Variants in NKAIN3 observed in about 807,000 individuals in gnomAD.
NKAIN3 encodes sodium/potassium transporting ATPase interacting 3.
NKAIN3 carries 25 observed loss-of-function variants against 30.2 expected under a neutral mutation model. The observed-to-expected ratio is 0.83, with a 90% confidence interval of 0.60 to 1.16. The LOEUF is 1.16. Among genes scored for constraint, NKAIN3 ranks in the 50% most tolerant of loss-of-function variants. The pLI is 0.00. For missense variants in NKAIN3, 225 were observed against 254.1 expected (o/e 0.89, Z 0.78); for synonymous variants, 91 against 89.6 (o/e 1.02, Z -0.09).
intron 3 of NKAIN3, among the ~76,000 whole-genome samples, chr8:62,618,843 T>A (rs911622263): frequency 1.3e-5 from 2 of 151,642 alleles, no homozygotes; most frequent in African/African-American, 4.8e-5. Context: ...GAGGCAGAGG[T>A]TGCAGTGAGC....
chr8:62,266,314 A>G (rs1216769683), intron 1 of NKAIN3, among the ~76,000 whole-genome samples: 1 of 152,232 alleles, frequency 6.6e-6, no homozygotes, highest in East Asian at 1.9e-4. Context: ...CCACTACTTT[A>G]GAGTGTGACA....
chr8:62,555,228 A>C (rs925392986), intron 1 of NKAIN3, among the ~76,000 whole-genome samples: 2 of 152,196 alleles, frequency 1.3e-5, no homozygotes, highest in African/African-American at 2.4e-5. Context: ...TTCAGAATAC[A>C]TAAAGAACCA....
rs370902214 is a variant in NKAIN3 at position 62,307,139 on chromosome 8, A to C, written c.54+58012A>C. On this transcript the variant is annotated intron_variant, in intron 1 of 6. Coordinates refer to ENST00000623646, the MANE Select transcript of NKAIN3 (RefSeq NM_001304533.3). Reference sequence around the variant, plus strand: ...TCCTGCACCCCATGAGTCCTTGGGTAGCTAAGCAGCTGGTATCTCCTGGTG... The same window carrying C: ...TCCTGCACCCCATGAGTCCTTGGGTCGCTAAGCAGCTGGTATCTCCTGGTG... Among the ~76,000 whole-genome samples the C allele has an allele frequency of 6.7e-5, 10 of 149,960 alleles. 1 individual carries two copies. The highest frequency in any genetic ancestry group is 2.5e-4 in the African/African-American group (10 of 39,510).
At chr8:62,737,410 A>G (rs1183479411) in intron 3 of NKAIN3, among the ~76,000 whole-genome samples, 2 of 152,204 alleles carry the variant, frequency 1.3e-5, no homozygotes, top group African/African-American at 4.8e-5. Context: ...CTCTCCAGAA[A>G]GTCAATAAGC....
chr8:62,638,744 A>G (rs1309072022), intron 3 of NKAIN3, among the ~76,000 whole-genome samples: 1 of 152,028 alleles, frequency 6.6e-6, no homozygotes, highest in Non-Finnish European at 1.5e-5. Context: ...TGACCCCACA[A>G]CCATATATAT....
At chr8:62,927,351 G>GA (rs768507017) in intron 5 of NKAIN3, among the ~76,000 whole-genome samples, 1 of 152,118 alleles carries the variant, frequency 6.6e-6, no homozygotes, top group African/African-American at 2.4e-5. Context: ...TGGATTTCCA[G>GA]AAAATCGCAT....
chr8:62,346,080 A>G (rs1285209824), intron 1 of NKAIN3, among the ~76,000 whole-genome samples: 1 of 152,042 alleles, frequency 6.6e-6, no homozygotes, highest in Non-Finnish European at 1.5e-5. Context: ...GAGAGAGTGG[A>G]GAGGAAGGTG....
In NKAIN3 at chr8:62,803,971, G is replaced by A. The variant is rs527710454; in HGVS notation, c.471+56842G>A. On this transcript the variant is annotated intron_variant, in intron 4 of 6. Coordinates refer to ENST00000623646, the MANE Select transcript of NKAIN3 (RefSeq NM_001304533.3). Reference sequence around the variant, plus strand: ...CACAGAAATACAAACTACCATGAGAGAATACTACAAACACCTCTACACAAA... The same window carrying A: ...CACAGAAATACAAACTACCATGAGAAAATACTACAAACACCTCTACACAAA... Among the ~76,000 whole-genome samples the A allele has an allele frequency of 2.9e-4, 44 of 152,188 alleles. 1 individual carries two copies. The East Asian group carries it at 8.1e-3, about 28-fold the overall frequency.
At chr8:62,495,949 C>T (rs1807224436) in intron 1 of NKAIN3, among the ~76,000 whole-genome samples, 1 of 152,130 alleles carries the variant, frequency 6.6e-6, no homozygotes, top group Non-Finnish European at 1.5e-5. Context: ...GCTTATGCCA[C>T]AGCACAGTCA....
At chr8:62,295,905 T>G (rs1813812461) in intron 1 of NKAIN3, among the ~76,000 whole-genome samples, 1 of 152,222 alleles carries the variant, frequency 6.6e-6, no homozygotes, top group African/African-American at 2.4e-5. Context: ...AATCTGTGCC[T>G]TCATAAAATT....
At chr8:62,783,725 C>T (rs941018425) in intron 4 of NKAIN3, among the ~76,000 whole-genome samples, 1 of 151,608 alleles carries the variant, frequency 6.6e-6, no homozygotes, top group Non-Finnish European at 1.5e-5. Context: ...ATCCTCTGGC[C>T]TCAGCCTCTA....
At chr8:62,805,588 T>A (rs2130703450) in intron 4 of NKAIN3, among the ~76,000 whole-genome samples, 1 of 152,262 alleles carries the variant, frequency 6.6e-6, no homozygotes, top group South Asian at 2.1e-4. Flanking sequence ...CTGGGAAAAC[T>A]GGCTAGCCAT....
At chr8:62,590,230 A>C (rs959760788) in intron 3 of NKAIN3, among the ~76,000 whole-genome samples, 1 of 151,868 alleles carries the variant, frequency 6.6e-6, no homozygotes, top group African/African-American at 2.4e-5. Flanking sequence ...TGGAATATTA[A>C]TTCTGGAAAA....
In NKAIN3 at chr8:62,466,169, A is replaced by T. The variant is rs1483430511; in HGVS notation, c.55-113370A>T. Among the ~76,000 whole-genome samples, 5 of 152,338 alleles carry T rather than the reference A, an allele frequency of 3.3e-5. No individual in the cohort carries two copies. In the South Asian group the frequency reaches 1.0e-3, roughly 32 times the overall value. The stretch of plus-strand genomic sequence containing the variant: ...GAGAACCTTAACGAAAGTTCAAGTT[A>T]ATAATGTATTATTATTATTATTGAA... On this transcript the variant is annotated intron_variant, in intron 1 of 6. Transcript: ENST00000623646.
intron 1 of NKAIN3, among the ~76,000 whole-genome samples, chr8:62,287,867 A>G (rs1813430781): frequency 6.6e-6 from 1 of 152,120 alleles, no homozygotes; most frequent in Non-Finnish European, 1.5e-5. Context: ...TCCTTTGGGA[A>G]GCACAGGCAT....
At chr8:62,263,439 G>C (rs371272582) in intron 1 of NKAIN3, among the ~76,000 whole-genome samples, 1 of 152,140 alleles carries the variant, frequency 6.6e-6, no homozygotes, top group African/African-American at 2.4e-5. Context: ...AGGAAAAACA[G>C]TGGAGAACTG....
chr8:62,554,052 G>C (rs1039552261), intron 1 of NKAIN3, among the ~76,000 whole-genome samples: 3 of 152,092 alleles, frequency 2.0e-5, no homozygotes, highest in Non-Finnish European at 4.4e-5. Context: ...TCCTAATAAA[G>C]CACATCAGTG....
intron 3 of NKAIN3, among the ~76,000 whole-genome samples, chr8:62,639,405 T>C (rs947629551): frequency 3.3e-5 from 5 of 151,906 alleles, no homozygotes; most frequent in African/African-American, 1.2e-4. Flanking sequence ...AGAAAAGGAA[T>C]GAAACTCACA....
At chr8:62,293,794 G>C (rs922662136) in intron 1 of NKAIN3, among the ~76,000 whole-genome samples, 3 of 152,212 alleles carry the variant, frequency 2.0e-5, no homozygotes, top group African/African-American at 7.2e-5. Context: ...GTCTGCAGAA[G>C]TTTCTGCTGC....
Sources: gnomAD v4.1 joint callset for allele counts (sites outside exome capture counted in the v4.1 genomes callset) on GRCh38, gnomAD v4.1.1 for gene constraint, MANE v1.5 for transcripts, NCBI Gene and HGNC (gene_info 2026-07-23, HGNC 2026-07-21) for gene names.